CDH11: variants seen among roughly 807,000 people sequenced by gnomAD.
The protein encoded by CDH11 is cadherin-11.
In CDH11, 11 loss-of-function variants were observed where a neutral mutation model predicts 67.8. The observed-to-expected ratio is 0.16, with a 90% CI of 0.10 to 0.27. CDH11 has a LOEUF of 0.27. Ranked by LOEUF, CDH11 falls within the 10% of genes least tolerant of loss-of-function variation. CDH11 has a pLI of 1.00. For synonymous variants in CDH11, 419 were observed against 400.0 expected, an observed-to-expected ratio of 1.05 and a Z score of -0.57; for missense variants, 847 against 1,031.2, an observed-to-expected ratio of 0.82 and a Z score of 2.45.
In CDH11 at chr16:64,998,676, G is replaced by A. The variant is rs760470953; in HGVS notation, c.409C>T (p.Arg137Trp). Reference sequence around the variant, plus strand: ...AATTCCGACGGTGGCTCCAGTGGCCGATTGGTGTCCCTGTCCACCGCCTGA... The same window carrying A: ...AATTCCGACGGTGGCTCCAGTGGCCAATTGGTGTCCCTGTCCACCGCCTGA... The part of the protein sequence containing the change: ...MAQAVDRDTN[R>W]PLEPPSEFIV... Residue 137 changes from arginine (R) to tryptophan (W), a missense_variant, in exon 4 of 13, where the codon CGG becomes TGG. This residue lies in a region of CDH11 where 235 missense variants were observed against 352.5 expected (regional missense o/e 0.67). Coordinates refer to ENST00000268603, the MANE Select transcript of CDH11 (RefSeq NM_001797.4). The A allele has an allele frequency of 8.1e-6, 13 of 1,613,912 alleles. No homozygotes were observed. Among genetic ancestry groups the A allele is most frequent in the South Asian group, 5.5e-5 (5 of 91,060 alleles).
chr16:65,084,327 A>T (rs1042427259), intron 1 of CDH11, among the ~76,000 whole-genome samples: 1 of 151,994 alleles, frequency 6.6e-6, no homozygotes, highest in African/African-American at 2.4e-5. Context: ...ATGGGGGTAC[A>T]TGCCTGTAGT....
At chr16:65,007,723 T>A (rs997739433) in intron 2 of CDH11, among the ~76,000 whole-genome samples, 1 of 152,224 alleles carries the variant, frequency 6.6e-6, no homozygotes, top group Non-Finnish European at 1.5e-5. Flanking sequence ...TGGCTTCATA[T>A]TCATGATTAG....
At chr16:65,087,770 CA>C (rs375724075) in intron 1 of CDH11, among the ~76,000 whole-genome samples, 8 of 152,164 alleles carry the variant, frequency 5.3e-5, no homozygotes, top group African/African-American at 1.9e-4. Flanking sequence ...GTGGAATCTA[CA>C]AAAAAGTGGG....
chr16:64,992,494 CTG>C (rs2072654183), intron 5 of CDH11, among the ~76,000 whole-genome samples: 1 of 152,200 alleles, frequency 6.6e-6, no homozygotes, highest in African/African-American at 2.4e-5. Flanking sequence ...AAATTAATAA[CTG>C]AATTCTGCAT....
intron 1 of CDH11, among the ~76,000 whole-genome samples, chr16:65,079,909 G>A (rs946921342): frequency 6.6e-6 from 1 of 152,058 alleles, no homozygotes; most frequent in African/African-American, 2.4e-5. Flanking sequence ...TCTTTGCACA[G>A]CTCTCAGCTC....
chr16:65,092,701 C>T (rs2074812471), intron 1 of CDH11, among the ~76,000 whole-genome samples: 1 of 151,476 alleles, frequency 6.6e-6, no homozygotes. Flanking sequence ...GCTCAAATCA[C>T]AGGTTCCTTG....
At chr16:65,023,327 T>C (rs2073464326) in intron 2 of CDH11, among the ~76,000 whole-genome samples, 1 of 152,286 alleles carries the variant, frequency 6.6e-6, no homozygotes, top group African/African-American at 2.4e-5. Flanking sequence ...CCACCCACCA[T>C]TCAGGTCTAA....
chr16:65,088,403 T>G (rs1366648330), intron 1 of CDH11, among the ~76,000 whole-genome samples: 1 of 152,224 alleles, frequency 6.6e-6, no homozygotes, highest in Non-Finnish European at 1.5e-5. Context: ...GCTAAAATGC[T>G]CACTACCTTC....
intron 1 of CDH11, among the ~76,000 whole-genome samples, chr16:65,096,652 T>C (rs2074902319): frequency 6.7e-6 from 1 of 150,058 alleles, no homozygotes. Flanking sequence ...GTATTACATG[T>C]ATATATACCA....
chr16:64,963,757 T>A (rs2071736596), intron 11 of CDH11, among the ~76,000 whole-genome samples: 1 of 152,086 alleles, frequency 6.6e-6, no homozygotes, highest in African/African-American at 2.4e-5. Context: ...AAGAATTACA[T>A]CCACCTTCTC....
At chr16:65,005,362 C>T (rs551824929) in intron 2 of CDH11, among the ~76,000 whole-genome samples, 13 of 152,136 alleles carry the variant, frequency 8.5e-5, no homozygotes, top group East Asian at 3.9e-4. Flanking sequence ...AATAAGAAAA[C>T]GGGGAATTAA....
chr16:64,976,583 G>C (rs891231889), intron 8 of CDH11, among the ~76,000 whole-genome samples: 1 of 152,190 alleles, frequency 6.6e-6, no homozygotes, highest in African/African-American at 2.4e-5. Context: ...GGCCTTGCCT[G>C]ATGGCTCAAG....
chr16:65,011,453 C>T (rs932354349), intron 2 of CDH11, among the ~76,000 whole-genome samples: 13 of 152,128 alleles, frequency 8.5e-5, no homozygotes, highest in African/African-American at 1.2e-4. Flanking sequence ...ACTTTACATT[C>T]TTAGGGTCTC....
At chr16:65,038,408 A>G (rs1157216315) in intron 2 of CDH11, among the ~76,000 whole-genome samples, 4 of 152,198 alleles carry the variant, frequency 2.6e-5, no homozygotes, top group Non-Finnish European at 2.9e-5. Context: ...AATTTGACCC[A>G]TTATTTACAC....
rs1008823963 is a variant in CDH11, at chr16:64,947,467, A to C, written c.*136T>G. 6.8e-7 allele frequency: 1 copy of C among 1,478,630 alleles called. No homozygotes were observed. Among genetic ancestry groups the C allele is most frequent in the Non-Finnish European group, 9.0e-7 (1 of 1,115,500 alleles). 91.6% of individuals were successfully genotyped at this position (1,478,630 alleles called of 1,614,324 possible). A position where few individuals can be genotyped will look rare whatever the true frequency, so the allele number is the denominator to read the frequency against. On this transcript the variant is annotated 3_prime_UTR_variant, in exon 13 of 13. Coordinates refer to ENST00000268603, the MANE Select transcript of CDH11 (RefSeq NM_001797.4). Reference sequence around the variant, plus strand: ...ACTTTGATGTCCTCGCAGTTTTATTAAATGTATCCTCTCTGTAAAACTTTG... The same window carrying C: ...ACTTTGATGTCCTCGCAGTTTTATTCAATGTATCCTCTCTGTAAAACTTTG...
intron 2 of CDH11, among the ~76,000 whole-genome samples, chr16:65,009,392 G>C (rs751106598): frequency 6.6e-6 from 1 of 151,954 alleles, no homozygotes; most frequent in African/African-American, 2.4e-5. Flanking sequence ...TTTGATCTTT[G>C]GTTTTTATTT....
chr16:64,948,595 A>G, intron 12 of CDH11: 1 of 1,603,686 alleles, frequency 6.2e-7, no homozygotes. Context: ...TACTAACTTA[A>G]TGGGAAGTCT....
chr16:65,103,482 A>G (rs973549811), intron 1 of CDH11, among the ~76,000 whole-genome samples: 4 of 152,236 alleles, frequency 2.6e-5, no homozygotes, highest in Non-Finnish European at 5.9e-5. Flanking sequence ...TCTGAATTCA[A>G]GCTCTACATT....
chr16:65,117,433 T>C (rs2075261323), intron 1 of CDH11, among the ~76,000 whole-genome samples: 1 of 152,148 alleles, frequency 6.6e-6, no homozygotes, highest in Non-Finnish European at 1.5e-5. Flanking sequence ...AAATATAAAT[T>C]TGTGTAGCCT....
Sources: gnomAD v4.1 joint callset for allele counts (sites outside exome capture counted in the v4.1 genomes callset) on GRCh38, gnomAD v4.1.1 for gene constraint, gnomAD v4.1.1 regional missense constraint, MANE v1.5 for transcripts, NCBI Gene and HGNC (gene_info 2026-07-23, HGNC 2026-07-21) for gene names.